CDH22: variants seen among roughly 807,000 people sequenced by gnomAD.
CDH22 encodes cadherin-22.
In CDH22, 30 loss-of-function variants were observed where a neutral mutation model predicts 58.4. The ratio of observed to expected loss-of-function variants is 0.51; its 90% CI spans 0.38 to 0.70. CDH22 has a LOEUF of 0.70. Among genes scored for constraint, CDH22 ranks in the 30% least tolerant of loss-of-function variants. CDH22 has a pLI of 0.00. For missense variants in CDH22, 1,014 were observed against 1,233.9 expected (o/e 0.82, Z 2.67); for synonymous variants, 513 against 558.2 (o/e 0.92, Z 1.14).
intron 7 of CDH22, among the ~76,000 whole-genome samples, chr20:46,200,869 G>A (rs1174438732): frequency 1.3e-5 from 2 of 152,198 alleles, no homozygotes; most frequent in Non-Finnish European, 2.9e-5. Flanking sequence ...TCTGGGGGCC[G>A]CGGCGTGGAC....
chr20:46,211,659 C>A (rs1432919060), intron 6 of CDH22, among the ~76,000 whole-genome samples: 1 of 152,142 alleles, frequency 6.6e-6, no homozygotes, highest in African/African-American at 2.4e-5. Flanking sequence ...GTGCTGGAGT[C>A]CCCGGGCTGA....
At chr20:46,275,675 C>T (rs1015412854) in intron 1 of CDH22, among the ~76,000 whole-genome samples, 1 of 151,932 alleles carries the variant, frequency 6.6e-6, no homozygotes, top group Non-Finnish European at 1.5e-5. Flanking sequence ...ATAAGTGATT[C>T]AACAAACGTT....
chr20:46,288,771 T>A (rs957088309), intron 1 of CDH22, among the ~76,000 whole-genome samples: 1 of 152,174 alleles, frequency 6.6e-6, no homozygotes, highest in African/African-American at 2.4e-5. Flanking sequence ...TCTTGCCAGC[T>A]CTACCTTAAA....
chr20:46,226,180 G>A (rs888616050), intron 4 of CDH22, among the ~76,000 whole-genome samples: 1 of 151,934 alleles, frequency 6.6e-6, no homozygotes, highest in Non-Finnish European at 1.5e-5. Flanking sequence ...TTTTGCCTGA[G>A]CCATACCCTG....
At chr20:46,206,687 C>T (rs2086003991) in intron 7 of CDH22, among the ~76,000 whole-genome samples, 1 of 152,230 alleles carries the variant, frequency 6.6e-6, no homozygotes, top group Admixed American at 6.5e-5. Context: ...TCTGTGGCCC[C>T]AATCCCTCCT....
At chr20:46,225,230 A>G (rs146300694) in intron 4 of CDH22, among the ~76,000 whole-genome samples, 1 of 152,176 alleles carries the variant, frequency 6.6e-6, no homozygotes, top group South Asian at 2.1e-4. Context: ...TATCCTGCAG[A>G]TATACTCACA....
chr20:46,236,837 G>A (rs2086256951), intron 3 of CDH22, among the ~76,000 whole-genome samples: 2 of 151,772 alleles, frequency 1.3e-5, no homozygotes, highest in African/African-American at 4.8e-5. Context: ...GACTACAGGT[G>A]TATGCCACCA....
At chr20:46,177,027 G>T (rs912787728) in intron 11 of CDH22, among the ~76,000 whole-genome samples, 5 of 152,216 alleles carry the variant, frequency 3.3e-5, no homozygotes, top group Non-Finnish European at 7.3e-5. Flanking sequence ...GGGCTAGGGT[G>T]GGGGGAGAAG....
At chr20:46,271,286 G>C (rs2086487381) in intron 1 of CDH22, among the ~76,000 whole-genome samples, 1 of 152,124 alleles carries the variant, frequency 6.6e-6, no homozygotes, top group South Asian at 2.1e-4. Context: ...CAGAGGAAAT[G>C]GCCCTCCTCT....
At chr20:46,201,242 C>T (rs1600694070) in intron 7 of CDH22, among the ~76,000 whole-genome samples, 1 of 152,238 alleles carries the variant, frequency 6.6e-6, no homozygotes, top group Non-Finnish European at 1.5e-5. Flanking sequence ...GGAGGGGCCC[C>T]TGCGCAGCCA....
chr20:46,297,845 A>G (rs543718763), intron 1 of CDH22, among the ~76,000 whole-genome samples: 71 of 152,126 alleles, frequency 4.7e-4, no homozygotes, highest in African/African-American at 1.6e-3. Flanking sequence ...CCCACTACCC[A>G]GGTGCCCTAC....
At position 46,210,424 on chromosome 20, in the gene CDH22, T is replaced by C; in HGVS notation, c.1169A>G (p.Glu390Gly). Residue 390 changes from glutamate (E) to glycine (G), a missense_variant, in exon 7 of 12, where the codon GAG (glutamate) becomes GGG (glycine). Around this residue, in one of 2 missense-constraint regions of CDH22, gnomAD observed 806 missense variants for 1,038.7 expected, o/e 0.78. Transcript: ENST00000537909. This position sits in a 1 kb window ranked among gnomAD's most constrained non-coding sequence, Gnocchi z 4.5. Reference protein sequence around the residue: ...IVRVAVTDVDEPPEFRPPSGL... With the variant: ...IVRVAVTDVDGPPEFRPPSGL... ...GGAGGGCGGCCGGAACTCGGGGGGC[T>C]CGTCCACGTCGGTCACGGCCACGCG... 6.9e-7 allele frequency: 1 copy of C among 1,455,022 alleles called. No homozygotes were observed. 90.1% of individuals were successfully genotyped at this position (1,455,022 alleles called of 1,614,324 possible).
chr20:46,184,797 AGAT>A (rs2085812727), intron 10 of CDH22, among the ~76,000 whole-genome samples: 1 of 152,134 alleles, frequency 6.6e-6, no homozygotes, highest in Non-Finnish European at 1.5e-5. Flanking sequence ...CTCCCATTTT[AGAT>A]GATGAAACTG....
At chr20:46,246,143 G>C (rs150296730) in intron 2 of CDH22, among the ~76,000 whole-genome samples, 1 of 152,174 alleles carries the variant, frequency 6.6e-6, no homozygotes, top group African/African-American at 2.4e-5. Context: ...TGTGAGCATA[G>C]GTACGTTTTC....
chr20:46,281,725 C>G (rs926499320), intron 1 of CDH22, among the ~76,000 whole-genome samples: 1 of 152,358 alleles, frequency 6.6e-6, no homozygotes, highest in South Asian at 2.1e-4. Flanking sequence ...GTCACAGACA[C>G]ATCTGTCGAC....
At chr20:46,279,169 C>T (rs1358665584) in intron 1 of CDH22, among the ~76,000 whole-genome samples, 1 of 152,144 alleles carries the variant, frequency 6.6e-6, no homozygotes, top group South Asian at 2.1e-4. Flanking sequence ...TGAGACAATG[C>T]GCACACGCTC....
chr20:46,260,444 G>T (rs1281706517), intron 1 of CDH22, among the ~76,000 whole-genome samples: 2 of 152,104 alleles, frequency 1.3e-5, no homozygotes, highest in Non-Finnish European at 2.9e-5. Context: ...TCTCCCTTTG[G>T]GGTTTGCTGT....
intron 5 of CDH22, among the ~76,000 whole-genome samples, chr20:46,213,804 G>A (rs73295808): frequency 0.021 from 3,173 of 152,240 alleles, 102 homozygotes; most frequent in African/African-American, 0.072. Flanking sequence ...GACATCATGC[G>A]GTTCTAGACA....
At chr20:46,272,516 C>T (rs181402752) in intron 1 of CDH22, among the ~76,000 whole-genome samples, 1 of 152,258 alleles carries the variant, frequency 6.6e-6, no homozygotes, top group East Asian at 1.9e-4. Context: ...AGCCCTGGGG[C>T]ACACCACCAT....
Sources: allele counts gnomAD v4.1 joint callset (sites outside exome capture counted in the v4.1 genomes callset), GRCh38; gene constraint gnomAD v4.1.1; regional missense constraint gnomAD v4.1.1; non-coding constraint Gnocchi (gnomAD v3.1); transcripts MANE v1.5; gene names NCBI Gene and HGNC (gene_info 2026-07-23, HGNC 2026-07-21).